Variants in RABGAP1L observed in about 807,000 individuals in gnomAD.
RABGAP1L encodes RAB GTPase activating protein 1 like, also known as rab GTPase-activating protein 1-like.
A neutral mutation model predicts 137.7 loss-of-function variants in RABGAP1L; 63 were observed. The ratio of observed to expected loss-of-function variants is 0.46; its 90% CI spans 0.37 to 0.56. RABGAP1L has a LOEUF of 0.56. Among genes scored for constraint, RABGAP1L ranks in the 20% least tolerant of loss-of-function variants. The pLI, the probability that RABGAP1L is intolerant of heterozygous loss-of-function variation, is 0.00. For synonymous variants in RABGAP1L, 431 were observed against 433.7 expected (o/e 0.99, Z 0.08); for missense variants, 1,095 against 1,244.0 (o/e 0.88, Z 1.80).
intron 18 of RABGAP1L, among the ~76,000 whole-genome samples, chr1:174,799,431 G>A (rs1353597290): frequency 6.6e-6 from 1 of 152,134 alleles, no homozygotes; most frequent in Non-Finnish European, 1.5e-5. Flanking sequence ...TTAAATCCAA[G>A]TATAAGATCT....
chr1:174,298,452 G>C (rs1475910144), intron 10 of RABGAP1L, among the ~76,000 whole-genome samples: 1 of 152,178 alleles, frequency 6.6e-6, no homozygotes, highest in Admixed American at 6.5e-5. Flanking sequence ...GCTTGGGCTT[G>C]GCTTAATAGG....
intron 11 of RABGAP1L, among the ~76,000 whole-genome samples, chr1:174,343,381 C>T (rs1431182496): frequency 6.6e-6 from 1 of 152,146 alleles, no homozygotes; most frequent in African/African-American, 2.4e-5. Flanking sequence ...AGAAAGATTG[C>T]AAATATATGC....
intron 1 of RABGAP1L, among the ~76,000 whole-genome samples, chr1:174,192,207 TTAAC>T (rs1182063209): frequency 1.3e-5 from 2 of 152,200 alleles, no homozygotes; most frequent in Non-Finnish European, 2.9e-5. Flanking sequence ...GTGTGTTTCA[TTAAC>T]TATATCTGCT....
At chr1:174,977,003 A>G (rs1037317281) in intron 22 of RABGAP1L, among the ~76,000 whole-genome samples, 12 of 152,246 alleles carry the variant, frequency 7.9e-5, no homozygotes, top group Non-Finnish European at 1.6e-4. Context: ...GAATTTTACT[A>G]ATGTAGCTAA....
At chr1:174,212,133 A>G (rs1016187955) in intron 1 of RABGAP1L, among the ~76,000 whole-genome samples, 1 of 152,196 alleles carries the variant, frequency 6.6e-6, no homozygotes, top group Non-Finnish European at 1.5e-5. Flanking sequence ...AATGGACCTC[A>G]TAGATGTTTA....
chr1:174,413,946 A>AG (rs35525858), intron 13 of RABGAP1L, among the ~76,000 whole-genome samples: 75,271 of 151,634 alleles, frequency 0.5, 21,195 homozygotes, highest in African/African-American at 0.78. Flanking sequence ...GAGGCCATGA[A>AG]GGCAGGGATA....
chr1:174,579,889 G>A (rs913441351), intron 13 of RABGAP1L, among the ~76,000 whole-genome samples: 1 of 152,192 alleles, frequency 6.6e-6, no homozygotes, highest in Non-Finnish European at 1.5e-5. Context: ...AGTCTCCTGA[G>A]TAGCTGGGAT....
rs920477584 is a variant in RABGAP1L, at chr1:174,369,645, A to G, written c.1466-1334A>G. Among the ~76,000 whole-genome samples the G allele has an allele frequency of 6.6e-5, 10 of 152,104 alleles. No individual in the cohort carries two copies. The South Asian group carries it at 8.3e-4, about 13-fold the overall frequency. On this transcript the variant is annotated intron_variant, in intron 11 of 25. Transcript: ENST00000681986. ...CTATTTATATCATTCAGTTGTTTCT[A>G]TTTACATTACTTCTATAGTAGTAAT...
At chr1:174,908,101 G>C (rs982670186) in intron 19 of RABGAP1L, among the ~76,000 whole-genome samples, 2 of 152,190 alleles carry the variant, frequency 1.3e-5, no homozygotes, top group African/African-American at 4.8e-5. Flanking sequence ...AATTAAGCAA[G>C]AGAATATAAC....
intron 13 of RABGAP1L, among the ~76,000 whole-genome samples, chr1:174,482,202 C>T (rs1384668361): frequency 2.6e-5 from 4 of 152,136 alleles, no homozygotes; most frequent in Non-Finnish European, 5.9e-5. Context: ...AAATAGATTT[C>T]CCCCCAGAGC....
intron 13 of RABGAP1L, among the ~76,000 whole-genome samples, chr1:174,624,336 T>C (rs1672781248): frequency 6.6e-6 from 1 of 152,228 alleles, no homozygotes; most frequent in Non-Finnish European, 1.5e-5. Flanking sequence ...ATATAGTTTT[T>C]TTTGGCTGTT....
At chr1:174,710,003 A>C (rs1680358704) in intron 17 of RABGAP1L, among the ~76,000 whole-genome samples, 1 of 152,220 alleles carries the variant, frequency 6.6e-6, no homozygotes, top group South Asian at 2.1e-4. Context: ...ACAGCACGAG[A>C]ACTTCGTGAA....
chr1:174,248,198 G>A (rs1672422581), intron 5 of RABGAP1L, among the ~76,000 whole-genome samples: 1 of 152,104 alleles, frequency 6.6e-6, no homozygotes, highest in African/African-American at 2.4e-5. Context: ...TCTGTTTTTA[G>A]CTTATCTAAT....
chr1:174,543,021 G>A (rs138500335), intron 13 of RABGAP1L, among the ~76,000 whole-genome samples: 151 of 152,284 alleles, frequency 9.9e-4, no homozygotes, highest in Middle Eastern at 6.8e-3. Context: ...CAACTATGTG[G>A]TCAATTATGG....
At chr1:174,381,057 A>T (rs1440857568) in intron 12 of RABGAP1L, among the ~76,000 whole-genome samples, 4 of 80,810 alleles carry the variant, frequency 4.9e-5, no homozygotes, top group African/African-American at 2.1e-4. Context: ...CCCAGTAGTC[A>T]TTCAGGAGCA....
At chr1:174,605,680 A>G (rs1216881880) in intron 13 of RABGAP1L, among the ~76,000 whole-genome samples, 1 of 152,224 alleles carries the variant, frequency 6.6e-6, no homozygotes, top group African/African-American at 2.4e-5. Context: ...TCAGATCTAT[A>G]TAAGCTGAAC....
intron 13 of RABGAP1L, among the ~76,000 whole-genome samples, chr1:174,552,270 A>G (rs1305800598): frequency 6.6e-6 from 1 of 152,076 alleles, no homozygotes; most frequent in Admixed American, 6.6e-5. Flanking sequence ...TCACCCAGGT[A>G]TTAAGCCTAG....
At position 174,207,160 on chromosome 1, in the gene RABGAP1L, C is replaced by G. The variant is rs539980681; in HGVS notation, c.-33-11965C>G. Among the ~76,000 whole-genome samples, 4 of 152,160 alleles carry G rather than the reference C, an allele frequency of 2.6e-5. No homozygotes were observed. The East Asian group carries it at 7.7e-4, about 29-fold the overall frequency. ...CCATTATTTTTTGCACCTGAAGAAA[C>G]ATAAAAATCTTTTGTCAGATTTTAT... On this transcript the variant is annotated intron_variant, in intron 1 of 25. Coordinates refer to ENST00000681986, the MANE Select transcript of RABGAP1L (RefSeq NM_001366446.1).
At chr1:174,974,655 T>A (rs1033851457) in intron 21 of RABGAP1L, among the ~76,000 whole-genome samples, 1 of 152,222 alleles carries the variant, frequency 6.6e-6, no homozygotes, top group Non-Finnish European at 1.5e-5. Context: ...AGGGACTTTT[T>A]CGCCTTAACT....
Sources: allele counts gnomAD v4.1 joint callset (sites outside exome capture counted in the v4.1 genomes callset), GRCh38; gene constraint gnomAD v4.1.1; transcripts MANE v1.5; gene names NCBI Gene and HGNC (gene_info 2026-07-23, HGNC 2026-07-21).